The following SATB1 variants were observed in gnomAD, a reference collection of about 807,000 sequenced individuals.
SATB1 encodes the protein SATB homeobox 1, also known as DNA-binding protein SATB1.
A neutral mutation model predicts 86.9 loss-of-function variants in SATB1; 11 were observed. That is an observed-to-expected ratio of 0.13 (90% CI 0.08 to 0.21). The LOEUF (loss-of-function observed/expected upper bound fraction) is 0.21, where lower values mean the gene tolerates loss of function less well. Ranked by LOEUF, SATB1 falls within the 10% of genes least tolerant of loss-of-function variation. The probability of loss-of-function intolerance (pLI) is 1.00; values close to 1 mark genes in which losing one functional copy is unlikely to be tolerated. For synonymous variants in SATB1, 357 were observed against 357.2 expected, an observed-to-expected ratio of 1.00 and a Z score of 0.01; for missense variants, 551 against 937.6, an observed-to-expected ratio of 0.59 and a Z score of 5.39.
rs1234750531 is a variant in SATB1 at position 18,352,620 on chromosome 3, T to G, written c.1576-425A>C. On this transcript the variant is annotated intron_variant, in intron 9 of 10. Transcript: ENST00000338745. This position sits in a 1 kb window ranked among gnomAD's most constrained non-coding sequence, Gnocchi z 4.1. ...ATAATTTTTTTCTAAAAGGATTTCC[T>G]AAGCTTGTACTTTTTGGATTTGAAA... 1 of 185,110 alleles carries G rather than the reference T, an allele frequency of 5.4e-6. No individual in the cohort carries two copies. The highest frequency in any genetic ancestry group is 2.4e-5 in the African/African-American group (1 of 42,344). The allele number at this position is 185,110 out of a possible 1,614,324, so 11.5% of individuals were successfully genotyped here.
chr3:18,374,901 C>G (rs1160387867), intron 9 of SATB1, among the ~76,000 whole-genome samples: 1 of 152,150 alleles, frequency 6.6e-6, no homozygotes, highest in Non-Finnish European at 1.5e-5. Context: ...CTTTTGCATA[C>G]ATTGTAGCAT....
intron 4 of SATB1, among the ~76,000 whole-genome samples, chr3:18,415,633 A>C (rs1698070426): frequency 6.6e-6 from 1 of 152,172 alleles, no homozygotes; most frequent in African/African-American, 2.4e-5. Flanking sequence ...GTAATAGTGA[A>C]TAAGACAGTC....
chr3:18,440,806 C>A (rs1699221993), upstream of SATB1, among the ~76,000 whole-genome samples: 1 of 152,072 alleles, frequency 6.6e-6, no homozygotes, highest in Non-Finnish European at 1.5e-5. Context: ...AGTTTGAAAA[C>A]CAAATCAATT....
chr3:18,376,896 C>T (rs1695785423), intron 9 of SATB1, among the ~76,000 whole-genome samples: 1 of 152,070 alleles, frequency 6.6e-6, no homozygotes, highest in Admixed American at 6.5e-5. Context: ...ATAAAAGAAA[C>T]ATATTATTGT....
intron 10 of SATB1, chr3:18,351,714 A>C: frequency 1.9e-6 from 1 of 525,504 alleles, no homozygotes; most frequent in South Asian, 2.4e-5. Context: ...TTAACACAAA[A>C]CCCAATACCA....
chr3:18,424,895 G>C lies in SATB1; in HGVS notation c.-1293C>G, dbSNP rs1244155596. 6.5e-6 allele frequency: 1 copy of C among 154,302 alleles called. No homozygotes were observed. The highest frequency in any genetic ancestry group is 1.4e-5 in the Non-Finnish European group (1 of 69,840). 9.6% of individuals were successfully genotyped at this position (154,302 alleles called of 1,614,324 possible). On this transcript the variant is annotated 5_prime_UTR_variant, in exon 1 of 11. Transcript: ENST00000338745. ...CCGCGGCTGTTGTTGTTGTGACGAG[G>C]CCGGGTGTTGCTGGGTGGCACAGGG...
At chr3:18,427,642 A>C (rs1325492259), upstream of SATB1, among the ~76,000 whole-genome samples, 1 of 152,250 alleles carries the variant, frequency 6.6e-6, no homozygotes, top group African/African-American at 2.4e-5. Flanking sequence ...TGACCTGGTG[A>C]ATGCTAATAT....
intron 8 of SATB1, among the ~76,000 whole-genome samples, chr3:18,383,023 A>T (rs1696140920): frequency 6.6e-6 from 1 of 152,240 alleles, no homozygotes; most frequent in African/African-American, 2.4e-5. Context: ...GCTTTTATCA[A>T]GTTAGGGTGT....
chr3:18,411,395 T>TAC (rs1697834632), intron 5 of SATB1, among the ~76,000 whole-genome samples: 1 of 152,078 alleles, frequency 6.6e-6, no homozygotes, highest in African/African-American at 2.4e-5. Context: ...AGGAAGACAT[T>TAC]ACGCTGGTAG....
In SATB1 at chr3:18,423,867, A is replaced by T. The variant is rs1049157090; in HGVS notation, c.-265T>A. The T allele has an allele frequency of 6.6e-6, 1 of 151,824 alleles. No homozygotes were observed. Among genetic ancestry groups the T allele is most frequent in the African/African-American group, 2.4e-5 (1 of 41,372 alleles). The allele number at this position is 151,824 out of a possible 1,614,324, so 9.4% of individuals were successfully genotyped here. A position where few individuals can be genotyped will look rare whatever the true frequency, so the allele number is the denominator to read the frequency against. Reference sequence around the variant, plus strand: ...GGCAGAAATAAACGTCTAGAAGAGTAGCCATGAGAAAGGGGTTTAAAAAAA... The same window carrying T: ...GGCAGAAATAAACGTCTAGAAGAGTTGCCATGAGAAAGGGGTTTAAAAAAA... On this transcript the variant is annotated 5_prime_UTR_variant, in exon 1 of 11. Coordinates refer to ENST00000338745, the MANE Select transcript of SATB1 (RefSeq NM_002971.6).
chr3:18,387,178 C>T (rs576041652), intron 7 of SATB1, among the ~76,000 whole-genome samples: 1 of 152,330 alleles, frequency 6.6e-6, no homozygotes, highest in South Asian at 2.1e-4. Flanking sequence ...AAGTACATGA[C>T]ACTACGTGAC....
At chr3:18,366,467 A>C (rs757768984) in intron 9 of SATB1, among the ~76,000 whole-genome samples, 13 of 152,052 alleles carry the variant, frequency 8.5e-5, no homozygotes, top group Non-Finnish European at 1.5e-4. Context: ...CAATCAATCA[A>C]TCAATCAAAA....
rs1698527295 is a variant in SATB1, at chr3:18,423,969, GA to G, written c.-368del. The G allele has an allele frequency of 6.6e-6, 1 of 152,186 alleles. No individual in the cohort carries two copies. Among genetic ancestry groups the G allele is most frequent in the Non-Finnish European group, 1.5e-5 (1 of 68,054 alleles). 9.4% of individuals were successfully genotyped at this position (152,186 alleles called of 1,614,324 possible). The stretch of plus-strand genomic sequence containing the variant: ...AGAGAACAGGGTTTGCGATGGGGAG[GA>G]GGGGAGAGTGGGAAGCAGGGAGGAG... On this transcript the variant is annotated 5_prime_UTR_variant, in exon 1 of 11. Coordinates refer to ENST00000338745, the MANE Select transcript of SATB1 (RefSeq NM_002971.6).
At chr3:18,418,547 T>C (rs1419391206) in intron 2 of SATB1, among the ~76,000 whole-genome samples, 1 of 152,166 alleles carries the variant, frequency 6.6e-6, no homozygotes. Flanking sequence ...TCAGCTGTTT[T>C]ATACCAGAGA....
At chr3:18,440,121 T>C (rs1027448472), upstream of SATB1, among the ~76,000 whole-genome samples, 2 of 152,232 alleles carry the variant, frequency 1.3e-5, no homozygotes, top group Non-Finnish European at 2.9e-5. Context: ...TCAAATAGTT[T>C]AATCTTTTTG....
At chr3:18,388,549 A>C (rs1696464860) in intron 7 of SATB1, among the ~76,000 whole-genome samples, 1 of 152,118 alleles carries the variant, frequency 6.6e-6, no homozygotes, top group South Asian at 2.1e-4. Flanking sequence ...TCTCTCATGT[A>C]AATGTTTGAT....
intron 8 of SATB1, among the ~76,000 whole-genome samples, chr3:18,383,360 T>G (rs2125200378): frequency 6.6e-6 from 1 of 152,306 alleles, no homozygotes; most frequent in Middle Eastern, 3.4e-3. Flanking sequence ...CCAAGGGCAC[T>G]CCAAAATCAT....
chr3:18,393,877 G>A (rs1575134018), intron 7 of SATB1, among the ~76,000 whole-genome samples: 2 of 152,294 alleles, frequency 1.3e-5, no homozygotes, highest in East Asian at 3.9e-4. Context: ...ACAATAGCAT[G>A]AGGGAGCGCA....
intron 9 of SATB1, among the ~76,000 whole-genome samples, chr3:18,365,440 G>T (rs546561910): frequency 1.0e-4 from 15 of 143,276 alleles, no homozygotes; most frequent in Admixed American, 4.1e-4. Flanking sequence ...ACAAGCATTG[G>T]ATGTGCGGGT....
Sources: gnomAD v4.1 joint callset for allele counts (sites outside exome capture counted in the v4.1 genomes callset) on GRCh38, gnomAD v4.1.1 for gene constraint, Gnocchi (gnomAD v3.1) non-coding constraint, MANE v1.5 for transcripts, NCBI Gene and HGNC (gene_info 2026-07-23, HGNC 2026-07-21) for gene names.